Variants in RAI14 observed in about 807,000 individuals in gnomAD.
The protein encoded by RAI14 is ankycorbin.
A neutral mutation model predicts 115.4 loss-of-function variants in RAI14; 45 were observed. The ratio of observed to expected loss-of-function variants is 0.39; its 90% CI spans 0.31 to 0.50. RAI14 has a LOEUF of 0.50. RAI14 is among the 20% of genes least tolerant of loss of function. The pLI is 0.85. For synonymous variants in RAI14, 371 were observed against 415.4 expected (o/e 0.89, Z 1.30); for missense variants, 939 against 1,131.2 (o/e 0.83, Z 2.44).
intron 1 of RAI14, among the ~76,000 whole-genome samples, chr5:34,662,798 G>A (rs964948616): frequency 2.2e-5 from 3 of 133,438 alleles, no homozygotes; most frequent in Admixed American, 9.2e-5. Flanking sequence ...GGGTGATCTC[G>A]GCTCACTGCA....
intron 2 of RAI14, among the ~76,000 whole-genome samples, chr5:34,727,349 A>G (rs1234397400): frequency 1.3e-5 from 2 of 152,226 alleles, no homozygotes; most frequent in Non-Finnish European, 2.9e-5. Context: ...AAAAGTTTGG[A>G]AAATTTGCAG....
intron 2 of RAI14, among the ~76,000 whole-genome samples, chr5:34,719,589 CCCTG>C: frequency 6.6e-6 from 1 of 152,188 alleles, no homozygotes; most frequent in Non-Finnish European, 1.5e-5. Context: ...CACTGCTCTT[CCCTG>C]AGTTACCGTG....
intron 1 of RAI14, among the ~76,000 whole-genome samples, chr5:34,657,796 G>A (rs1742397943): frequency 6.6e-6 from 1 of 152,250 alleles, no homozygotes; most frequent in Non-Finnish European, 1.5e-5. Flanking sequence ...ACCTCCTCGG[G>A]CTTTGCACAG....
chr5:34,732,323 G>A (rs1457249523), intron 2 of RAI14, among the ~76,000 whole-genome samples: 4 of 152,114 alleles, frequency 2.6e-5, no homozygotes, highest in East Asian at 1.9e-4. Context: ...TATAGAAAGA[G>A]CAATGGCAAT....
chr5:34,750,892 G>A lies in RAI14; in HGVS notation c.37-6576G>A, dbSNP rs540712586. ...TTTGAGGTGGAGTTTTGCTCTTGTC[G>A]CCCAGGCTGGAGTGCAATGGTGCGA... is the stretch of plus-strand genomic sequence containing the variant. On this transcript the variant is annotated intron_variant, in intron 2 of 17. Coordinates refer to ENST00000265109, the MANE Select transcript of RAI14 (RefSeq NM_015577.3). 2.5e-4 allele frequency among the ~76,000 whole-genome samples: 25 copies of A among 99,878 alleles called. No individual in the cohort carries two copies. In the East Asian group the frequency reaches 6.3e-3, roughly 25 times the overall value. The allele number at this position is 99,878 out of a possible 152,430, so 65.5% of individuals were successfully genotyped here.
intron 2 of RAI14, among the ~76,000 whole-genome samples, chr5:34,734,524 G>GA (rs1343141394): frequency 1.3e-5 from 2 of 152,156 alleles, no homozygotes; most frequent in African/African-American, 4.8e-5. Flanking sequence ...CTTTTTAGTA[G>GA]AAGGAGTAGA....
chr5:34,744,063 G>T (rs996655630), intron 2 of RAI14, among the ~76,000 whole-genome samples: 1 of 152,146 alleles, frequency 6.6e-6, no homozygotes, highest in Non-Finnish European at 1.5e-5. Context: ...GTAATGTATC[G>T]CTTGGGTGAA....
At chr5:34,688,714 A>G (rs1477591367) in intron 2 of RAI14, among the ~76,000 whole-genome samples, 2 of 152,194 alleles carry the variant, frequency 1.3e-5, no homozygotes, top group East Asian at 3.8e-4. Context: ...GGCTCTCCAC[A>G]TCCAAATTGT....
intron 3 of RAI14, among the ~76,000 whole-genome samples, chr5:34,793,983 C>T (rs931578714): frequency 1.3e-5 from 2 of 152,288 alleles, no homozygotes; most frequent in Admixed American, 6.5e-5. Flanking sequence ...TTTTAGAAAC[C>T]TTCCACCAAG....
intron 2 of RAI14, 87 bp from the exon 3 acceptor site, chr5:34,757,381 T>C: frequency 7.0e-7 from 1 of 1,422,366 alleles, no homozygotes. Context: ...GACAGGAGGG[T>C]GGGGGCTGCG....
At chr5:34,744,694 C>T (rs771912476) in intron 2 of RAI14, among the ~76,000 whole-genome samples, 3 of 152,210 alleles carry the variant, frequency 2.0e-5, no homozygotes, top group Non-Finnish European at 2.9e-5. Context: ...TCAGTTTTCT[C>T]ATCAGTAACA....
chr5:34,790,446 A>G (rs1406563127), intron 3 of RAI14, among the ~76,000 whole-genome samples: 1 of 152,160 alleles, frequency 6.6e-6, no homozygotes, highest in East Asian at 1.9e-4. Flanking sequence ...TGCACTGACC[A>G]TTTTGGTTTT....
Position 34,823,762 on chromosome 5 carries a change from A to C in RAI14, c.1920A>C (p.Glu640Asp). The change falls in exon 15 of 18, where the codon GAA becomes GAC. Residue 640 changes from glutamate (E) to aspartate (D), a missense_variant. Glu to Asp is a conservative substitution (Grantham distance 45). Transcript: ENST00000265109. The surrounding 1 kb of genome is among the most constrained non-coding windows in gnomAD (Gnocchi z 4.5). ...AAGCCATGAATAGGATGATAGATGA[A>C]CTCAATAAACAGGTGAGCGAGCTGT... Reference protein sequence around the residue: ...MKEAMNRMIDELNKQVSELSQ... With the variant: ...MKEAMNRMIDDLNKQVSELSQ... 6.2e-7 allele frequency: 1 copy of C among 1,614,202 alleles called. No homozygotes were observed. Among genetic ancestry groups the C allele is most frequent in the Non-Finnish European group, 8.5e-7 (1 of 1,180,032 alleles).
At chr5:34,814,201 C>T (rs944068092) in intron 11 of RAI14, among the ~76,000 whole-genome samples, 2 of 151,912 alleles carry the variant, frequency 1.3e-5, no homozygotes, top group Non-Finnish European at 2.9e-5. Context: ...AAAAACACAT[C>T]GAAATTTGTT....
At chr5:34,698,669 A>G (rs1399714719) in intron 2 of RAI14, among the ~76,000 whole-genome samples, 1 of 152,180 alleles carries the variant, frequency 6.6e-6, no homozygotes, top group Non-Finnish European at 1.5e-5. Flanking sequence ...GGAGAAGGAT[A>G]TATACATGGG....
intron 2 of RAI14, among the ~76,000 whole-genome samples, chr5:34,715,808 G>T (rs557788171): frequency 9.8e-5 from 15 of 152,286 alleles, no homozygotes; most frequent in African/African-American, 3.4e-4. Flanking sequence ...CTCCAGCCTG[G>T]CACATAAGAG....
At chr5:34,776,126 G>T (rs1385718696) in intron 3 of RAI14, among the ~76,000 whole-genome samples, 3 of 152,160 alleles carry the variant, frequency 2.0e-5, no homozygotes, top group Admixed American at 6.5e-5. Context: ...GCAACAACGT[G>T]GTTGGAACTG....
chr5:34,754,629 T>C (rs907740943), intron 2 of RAI14, among the ~76,000 whole-genome samples: 1 of 152,142 alleles, frequency 6.6e-6, no homozygotes, highest in African/African-American at 2.4e-5. Flanking sequence ...GAAGATTTGC[T>C]TGTGTAGCCA....
chr5:34,761,588 A>T (rs10045449), intron 3 of RAI14, among the ~76,000 whole-genome samples: 24,243 of 152,026 alleles, frequency 0.16, 2,030 homozygotes, highest in African/African-American at 0.21. Context: ...GCTCTGCCCC[A>T]CTTACCTACA....
Sources: gnomAD v4.1 joint callset for allele counts (sites outside exome capture counted in the v4.1 genomes callset) on GRCh38, gnomAD v4.1.1 for gene constraint, Gnocchi (gnomAD v3.1) non-coding constraint, MANE v1.5 for transcripts, NCBI Gene and HGNC (gene_info 2026-07-23, HGNC 2026-07-21) for gene names.